SLC27A6: variants seen among roughly 807,000 people sequenced by gnomAD.
SLC27A6 encodes the protein solute carrier family 27 member 6.
SLC27A6 carries 74 observed loss-of-function variants against 63.9 expected under a neutral mutation model. The ratio of observed to expected loss-of-function variants is 1.16; its 90% CI spans 0.96 to 1.40. SLC27A6 has a LOEUF of 1.40. Ranked by LOEUF, SLC27A6 falls within the 40% of genes most tolerant of loss-of-function variation. SLC27A6 has a pLI of 0.00. For missense variants in SLC27A6, 794 were observed against 732.9 expected, an observed-to-expected ratio of 1.08 and a Z score of -0.96; for synonymous variants, 287 against 260.8, an observed-to-expected ratio of 1.10 and a Z score of -0.97.
At chr5:129,007,834 C>G (rs948820565) in intron 4 of SLC27A6, among the ~76,000 whole-genome samples, 3 of 151,970 alleles carry the variant, frequency 2.0e-5, no homozygotes, top group Non-Finnish European at 4.4e-5. Flanking sequence ...TAATGATGAA[C>G]ATTTAAGAAC....
chr5:128,984,571 A>G (rs1473112116), intron 1 of SLC27A6, among the ~76,000 whole-genome samples: 3 of 152,182 alleles, frequency 2.0e-5, no homozygotes, highest in Non-Finnish European at 2.9e-5. Flanking sequence ...ATTGTACCCA[A>G]TAGGTAATTT....
At chr5:129,032,230 T>C (rs1752438028) in intron 9 of SLC27A6, among the ~76,000 whole-genome samples, 1 of 152,036 alleles carries the variant, frequency 6.6e-6, no homozygotes, top group Non-Finnish European at 1.5e-5. Flanking sequence ...GGTAAGTATT[T>C]AGGTCTAACA....
chr5:129,010,951 A>G (rs1751706357), intron 4 of SLC27A6, among the ~76,000 whole-genome samples: 1 of 152,194 alleles, frequency 6.6e-6, no homozygotes, highest in Non-Finnish European at 1.5e-5. Flanking sequence ...CATTGTTTGA[A>G]GGGCCTAGGT....
Position 128,985,137 on chromosome 5 carries a change from G to C in SLC27A6, c.486G>C (p.Leu162Phe). Reference sequence around the variant, plus strand: ...TCCCAACCCTTTGGCTTTTAGATTTGCTTGGAACGGTAGAAGAAATCCTTC... The same window carrying C: ...TCCCAACCCTTTGGCTTTTAGATTTCCTTGGAACGGTAGAAGAAATCCTTC... Reference protein sequence around the residue: ...GPRALVVGADLLGTVEEILPS... With the variant: ...GPRALVVGADFLGTVEEILPS... Residue 162 changes from leucine to phenylalanine, a missense_variant, in exon 2 of 10, where the codon TTG becomes TTC. Leu to Phe is a conservative substitution (Grantham distance 22). Transcript: ENST00000262462. The C allele has an allele frequency of 1.2e-6, 2 of 1,612,664 alleles. No homozygotes were observed. Among genetic ancestry groups the C allele is most frequent in the Non-Finnish European group, 8.5e-7 (1 of 1,179,378 alleles).
intron 4 of SLC27A6, among the ~76,000 whole-genome samples, chr5:128,999,448 T>G (rs536000326): frequency 2.0e-5 from 3 of 152,068 alleles, no homozygotes; most frequent in Non-Finnish European, 4.4e-5. Flanking sequence ...TTACGCTATA[T>G]TGTCACTCCA....
intron 6 of SLC27A6, 66 bp downstream of exon 6, chr5:129,023,776 T>TACCAAGGGA: frequency 1.8e-6 from 2 of 1,127,906 alleles, no homozygotes; most frequent in Non-Finnish European, 1.3e-6. Flanking sequence ...CAGACATCCC[T>TACCAAGGGA]TGGTATCCTT....
chr5:129,010,113 G>C (rs1751682375), intron 4 of SLC27A6, among the ~76,000 whole-genome samples: 1 of 152,168 alleles, frequency 6.6e-6, no homozygotes, highest in African/African-American at 2.4e-5. Flanking sequence ...ATTTCTCCCA[G>C]TATAAATTAG....
At chr5:128,993,865 TG>T (rs35602032) in intron 4 of SLC27A6, among the ~76,000 whole-genome samples, 49,167 of 151,758 alleles carry the variant, frequency 0.32, 8,135 homozygotes, top group Middle Eastern at 0.38. Flanking sequence ...CCCAGCACTT[TG>T]GGAGGCCAAG....
chr5:129,016,130 T>A (rs1281299569), intron 5 of SLC27A6, 51 bp downstream of exon 5: 1 of 1,353,332 alleles, frequency 7.4e-7, no homozygotes, highest in Non-Finnish European at 1.0e-6. Flanking sequence ...CGGTGGCTCA[T>A]ACCTGTAATC....
Position 129,015,947 on chromosome 5 carries a change from A to G in SLC27A6, c.1032A>G (p.Val344=). 1 of 1,609,052 alleles carries G rather than the reference A, an allele frequency of 6.2e-7. No individual in the cohort carries two copies. The highest frequency in any genetic ancestry group is 8.5e-7 in the Non-Finnish European group (1 of 1,177,956). Residue 344 remains valine (V), a synonymous_variant, in exon 5 of 10, where the codon GTA becomes GTG. Coordinates refer to ENST00000262462, the MANE Select transcript of SLC27A6 (RefSeq NM_001017372.3). ...LAIGNGIRSD[V]WREFLDRFGN... ...TTGGAAATGGCATACGGAGTGATGT[A>G]TGGAGAGAATTTTTAGACAGATTTG...
intron 4 of SLC27A6, among the ~76,000 whole-genome samples, chr5:129,003,625 T>C (rs1751419738): frequency 6.6e-6 from 1 of 151,896 alleles, no homozygotes; most frequent in Admixed American, 6.6e-5. Context: ...TCACTTGAGC[T>C]CAGGAGTTCA....
At chr5:129,006,374 G>A (rs1488861163) in intron 4 of SLC27A6, among the ~76,000 whole-genome samples, 1 of 151,868 alleles carries the variant, frequency 6.6e-6, no homozygotes, top group Admixed American at 6.6e-5. Flanking sequence ...ACAGGCATGA[G>A]CCACCGCGCC....
At chr5:129,009,553 C>A (rs1751653221) in intron 4 of SLC27A6, among the ~76,000 whole-genome samples, 1 of 152,020 alleles carries the variant, frequency 6.6e-6, no homozygotes, top group Admixed American at 6.6e-5. Context: ...TATTTCATTA[C>A]AACTTTTCTC....
At chr5:128,970,892 T>G (rs1368303548) in intron 1 of SLC27A6, among the ~76,000 whole-genome samples, 2 of 152,134 alleles carry the variant, frequency 1.3e-5, no homozygotes, top group Admixed American at 6.6e-5. Flanking sequence ...CTTGTGGGCA[T>G]TTAGTGCTAT....
rs1751514544 is a variant in SLC27A6, at chr5:129,006,071, G to GTTTTTTTTTTTTGTTTTTTTTTT, written c.970-9802_970-9801insGTTTTTTTTTTTTTTTTTTTTTT. ...TAAAATTTTCATTCCTGTGCACACT[G>GTTTTTTTTTTTTGTTTTTTTTTT]TTTTTTTTTTTTTTTTTTTTTTTTT... On this transcript the variant is annotated intron_variant, in intron 4 of 9. Transcript: ENST00000262462. Among the ~76,000 whole-genome samples, 8 of 60,146 alleles carry GTTTTTTTTTTTTGTTTTTTTTTT rather than the reference G, an allele frequency of 1.3e-4. No homozygotes were observed. In the Admixed American group the frequency reaches 1.9e-3, roughly 14 times the overall value. The allele number at this position is 60,146 out of a possible 152,430, so 39.5% of individuals were successfully genotyped here. A position where few individuals can be genotyped will look rare whatever the true frequency, so the allele number is the denominator to read the frequency against.
chr5:129,028,910 G>A (rs1191451742), intron 8 of SLC27A6, among the ~76,000 whole-genome samples: 1 of 151,934 alleles, frequency 6.6e-6, no homozygotes, highest in African/African-American at 2.4e-5. Flanking sequence ...GTCTCATGAT[G>A]TTGAAAATGC....
chr5:128,990,317 C>A, intron 3 of SLC27A6, 23 bp from the exon 4 acceptor site: 1 of 1,603,852 alleles, frequency 6.2e-7, no homozygotes, highest in East Asian at 2.2e-5. Context: ...TTCCCTAGTG[C>A]CTGTTTTTGT....
At chr5:128,995,350 T>G (rs567058766) in intron 4 of SLC27A6, among the ~76,000 whole-genome samples, 1 of 152,290 alleles carries the variant, frequency 6.6e-6, no homozygotes, top group East Asian at 1.9e-4. Context: ...TCAAGTAATA[T>G]TGTAGGATTA....
chr5:128,981,146 A>G (rs918652473), intron 1 of SLC27A6, among the ~76,000 whole-genome samples: 1 of 152,158 alleles, frequency 6.6e-6, no homozygotes. Flanking sequence ...GAAAACAGAA[A>G]TTAAGCCTAC....
Sources: allele counts gnomAD v4.1 joint callset (sites outside exome capture counted in the v4.1 genomes callset), GRCh38; gene constraint gnomAD v4.1.1; transcripts MANE v1.5; gene names NCBI Gene and HGNC (gene_info 2026-07-23, HGNC 2026-07-21).